The following RYK variants were observed in gnomAD, a reference collection of about 807,000 sequenced individuals.
RYK encodes the protein inactive tyrosine-protein kinase RYK.
A neutral mutation model predicts 70.2 loss-of-function variants in RYK; 21 were observed. The ratio of observed to expected loss-of-function variants is 0.30; its 90% CI spans 0.21 to 0.43. The LOEUF is 0.43. RYK is among the 20% of genes least tolerant of loss of function. The pLI is 1.00. For missense variants in RYK, 604 were observed against 753.3 expected (o/e 0.80, Z 2.32); for synonymous variants, 267 against 278.0 (o/e 0.96, Z 0.39).
chr3:134,194,338 C>A (rs2013746463), intron 7 of RYK, among the ~76,000 whole-genome samples: 1 of 152,092 alleles, frequency 6.6e-6, no homozygotes, highest in Admixed American at 6.5e-5. Context: ...CGTTTTAATT[C>A]ATTATAGTCA....
chr3:134,186,169 C>G (rs2013453313), intron 9 of RYK, among the ~76,000 whole-genome samples: 1 of 152,084 alleles, frequency 6.6e-6, no homozygotes, highest in African/African-American at 2.4e-5. Flanking sequence ...CCAGTAAATC[C>G]AAACTGATTC....
chr3:134,174,751 G>T (rs1038702993), intron 13 of RYK, among the ~76,000 whole-genome samples: 1 of 151,958 alleles, frequency 6.6e-6, no homozygotes, highest in Non-Finnish European at 1.5e-5. Context: ...ACAAGTGAAC[G>T]TGGCTTCTGA....
At chr3:134,196,580 AAAACACACACACACAC>A (rs1169803758) in intron 6 of RYK, among the ~76,000 whole-genome samples, 4 of 127,238 alleles carry the variant, frequency 3.1e-5, no homozygotes, top group African/African-American at 9.4e-5. Context: ...TCTCTGAAAC[AAAACACACACACACAC>A]ACACACACAC....
chr3:134,226,502 G>A (rs1244781571), intron 1 of RYK, among the ~76,000 whole-genome samples: 2 of 152,068 alleles, frequency 1.3e-5, no homozygotes, highest in Non-Finnish European at 2.9e-5. Context: ...GATGAGGCCA[G>A]CAGCATCATA....
chr3:134,162,939 G>T (rs938653507), intron 13 of RYK, among the ~76,000 whole-genome samples: 1 of 152,132 alleles, frequency 6.6e-6, no homozygotes, highest in Non-Finnish European at 1.5e-5. Flanking sequence ...TGTACACAGG[G>T]AATAACCCCA....
intron 3 of RYK, among the ~76,000 whole-genome samples, chr3:134,210,246 C>T (rs764435456): frequency 9.2e-5 from 14 of 152,176 alleles, no homozygotes; most frequent in Admixed American, 2.0e-4. Flanking sequence ...AGACAACTCA[C>T]TACCAAAATG....
chr3:134,236,033 G>A (rs1324101356), intron 1 of RYK, among the ~76,000 whole-genome samples: 1 of 151,820 alleles, frequency 6.6e-6, no homozygotes, highest in African/African-American at 2.4e-5. Context: ...ACTGGGAACT[G>A]GGACACCCGC....
intron 13 of RYK, among the ~76,000 whole-genome samples, chr3:134,166,886 T>G (rs763714887): frequency 6.6e-6 from 1 of 152,174 alleles, no homozygotes; most frequent in Non-Finnish European, 1.5e-5. Context: ...AAGAAAATAT[T>G]AGGATGAATA....
intron 2 of RYK, among the ~76,000 whole-genome samples, chr3:134,216,853 T>C (rs1323069439): frequency 6.7e-6 from 1 of 148,692 alleles, no homozygotes; most frequent in African/African-American, 2.5e-5. Context: ...CAGTTACATG[T>C]TTCTCCTGGA....
chr3:134,246,343 CAG>C (rs139870425), intron 1 of RYK, among the ~76,000 whole-genome samples: 1,233 of 105,714 alleles, frequency 0.012, 18 homozygotes, highest in African/African-American at 0.034. Flanking sequence ...CACACACACA[CAG>C]AGAGAGAGAA....
chr3:134,163,301 C>T (rs2012542063), intron 13 of RYK, among the ~76,000 whole-genome samples: 1 of 152,152 alleles, frequency 6.6e-6, no homozygotes, highest in South Asian at 2.1e-4. Context: ...AAAACTTGCT[C>T]TCTAAGGTCT....
At chr3:134,181,429 C>CT (rs35986313) in intron 10 of RYK, 1 of 152,014 alleles carries the variant, frequency 6.6e-6, no homozygotes, top group African/African-American at 2.4e-5. Flanking sequence ...CATTTGTTTT[C>CT]TTTTTTACCA....
intron 1 of RYK, among the ~76,000 whole-genome samples, chr3:134,229,366 T>C: frequency 1.6e-5 from 2 of 127,060 alleles, no homozygotes; most frequent in African/African-American, 6.2e-5. Flanking sequence ...TCTCCCTTGC[T>C]CTCCTTTGGG....
At chr3:134,158,328 G>GT (rs1171319034) in intron 14 of RYK, 64 bp from the exon 15 acceptor site, 1 of 960,086 alleles carries the variant, frequency 1.0e-6, no homozygotes, top group Non-Finnish European at 1.5e-6. Context: ...CTTTTGCTCA[G>GT]TTTGATGCCA....
intron 9 of RYK, among the ~76,000 whole-genome samples, chr3:134,187,823 G>A (rs921190227): frequency 1.3e-5 from 2 of 150,406 alleles, no homozygotes; most frequent in African/African-American, 4.9e-5. Flanking sequence ...GCCTCCCAAA[G>A]CATTGGGATT....
At chr3:134,193,462 C>T (rs2107669591) in intron 7 of RYK, among the ~76,000 whole-genome samples, 1 of 152,330 alleles carries the variant, frequency 6.6e-6, no homozygotes, top group Non-Finnish European at 1.5e-5. Context: ...GGATTACTGG[C>T]AAGAGCCACC....
chr3:134,238,357 G>T (rs377565170), intron 1 of RYK, among the ~76,000 whole-genome samples: 1 of 152,170 alleles, frequency 6.6e-6, no homozygotes, highest in Non-Finnish European at 1.5e-5. Flanking sequence ...GAACTGTCTT[G>T]AGAGTGTATG....
intron 11 of RYK, among the ~76,000 whole-genome samples, chr3:134,176,569 T>A (rs2013105116): frequency 6.6e-6 from 1 of 151,010 alleles, no homozygotes; most frequent in South Asian, 2.2e-4. Flanking sequence ...TGAGGCCCTG[T>A]CTCTACACAA....
chr3:134,169,422 T>G (rs926110061), intron 13 of RYK, among the ~76,000 whole-genome samples: 1 of 152,206 alleles, frequency 6.6e-6, no homozygotes, highest in Non-Finnish European at 1.5e-5. Context: ...AAAAAATTTA[T>G]GGTGGTATCC....
Sources: gnomAD v4.1 joint callset for allele counts (sites outside exome capture counted in the v4.1 genomes callset) on GRCh38, gnomAD v4.1.1 for gene constraint, MANE v1.5 for transcripts, NCBI Gene and HGNC (gene_info 2026-07-23, HGNC 2026-07-21) for gene names.